Variants in CD300LG observed in about 807,000 individuals in gnomAD.
The protein encoded by CD300LG is CD300 molecule like family member g.
A neutral mutation model predicts 31.5 loss-of-function variants in CD300LG; 29 were observed. The ratio of observed to expected loss-of-function variants is 0.92; its 90% CI spans 0.68 to 1.25. The LOEUF is 1.25. CD300LG is among the 50% of genes most tolerant of loss of function. The pLI, the probability that CD300LG is intolerant of heterozygous loss-of-function variation, is 0.00. For missense variants in CD300LG, 396 were observed against 417.6 expected, an observed-to-expected ratio of 0.95 and a Z score of 0.45; for synonymous variants, 175 against 177.2, an observed-to-expected ratio of 0.99 and a Z score of 0.10.
At chr17:43,847,349 C>G (rs1297877350) in intron 1 of CD300LG, 90 bp downstream of exon 1, 1 of 1,449,054 alleles carries the variant, frequency 6.9e-7, no homozygotes, top group Non-Finnish European at 9.5e-7. Flanking sequence ...ATAGCCCCAC[C>G]CCACCTATCC....
rs917486448 is a variant in CD300LG at position 43,862,728 on chromosome 17, G to C, written c.*817G>C. Reference sequence around the variant, plus strand: ...TTGGTCAGGTCAGGTGCACATTGCAGGGATAAGCCCAGGACCGGCAGAGAG... The same window carrying C: ...TTGGTCAGGTCAGGTGCACATTGCACGGATAAGCCCAGGACCGGCAGAGAG... On this transcript the variant is annotated 3_prime_UTR_variant, in exon 7 of 7. Coordinates refer to ENST00000317310, the MANE Select transcript of CD300LG (RefSeq NM_145273.4). The C allele has an allele frequency of 6.6e-6, 1 of 152,130 alleles. No individual in the cohort carries two copies. Among genetic ancestry groups the C allele is most frequent in the Non-Finnish European group, 1.5e-5 (1 of 68,056 alleles). The allele number at this position is 152,130 out of a possible 1,614,324, so 9.4% of individuals were successfully genotyped here.
chr17:43,862,145 T>A lies in CD300LG; in HGVS notation c.*234T>A. On this transcript the variant is annotated 3_prime_UTR_variant, in exon 7 of 7. Coordinates refer to ENST00000317310, the MANE Select transcript of CD300LG (RefSeq NM_145273.4). ...TTCCGGCTGGAGACTGGGACATCCC[T>A]GATAGGTTCACATCCCTGGGCAGAG... 2.5e-6 allele frequency: 1 copy of A among 394,208 alleles called. No individual in the cohort carries two copies. Among genetic ancestry groups the A allele is most frequent in the Non-Finnish European group, 4.6e-6 (1 of 218,720 alleles). 24.4% of individuals were successfully genotyped at this position (394,208 alleles called of 1,614,324 possible).
At chr17:43,854,766 T>C (rs1473089877) in intron 4 of CD300LG, among the ~76,000 whole-genome samples, 1 of 152,108 alleles carries the variant, frequency 6.6e-6, no homozygotes, top group Non-Finnish European at 1.5e-5. Context: ...CAGTGTGAAA[T>C]TGATCCACTC....
Position 43,847,222 on chromosome 17 carries a change from G to A in CD300LG, c.6G>A (p.Arg2=), listed in dbSNP as rs1332758970. 1 of 1,613,928 alleles carries A rather than the reference G, an allele frequency of 6.2e-7. No homozygotes were observed. The highest frequency in any genetic ancestry group is 2.2e-5 in the East Asian group (1 of 44,884). Residue 2 remains arginine (R), a synonymous_variant, in exon 1 of 7, where the codon CGG becomes CGA. Transcript: ENST00000317310. M[R]LLVLLWGCLL... ...CACGGTGTCCAGCGCCCAGAATGCG[G>A]CTTCTGGTCCTGCTATGGGGTTGCC... is the stretch of plus-strand genomic sequence containing the variant.
At chr17:43,852,289 A>T (rs1296719682) in intron 2 of CD300LG, among the ~76,000 whole-genome samples, 1 of 151,190 alleles carries the variant, frequency 6.6e-6, no homozygotes, top group Admixed American at 6.6e-5. Flanking sequence ...CACTGCAATC[A>T]CCGCAACCTC....
intron 2 of CD300LG, 138 bp downstream of exon 2, chr17:43,849,031 AG>A: frequency 1.3e-6 from 1 of 781,854 alleles, no homozygotes; most frequent in South Asian, 1.8e-5. Flanking sequence ...GCACCGAGCA[AG>A]GCTTGGGGCA....
At chr17:43,861,150 G>A (rs367882006) in intron 6 of CD300LG, 52 of 985,214 alleles carry the variant, frequency 5.3e-5, no homozygotes, top group South Asian at 4.7e-4. Flanking sequence ...GGGAATGGCC[G>A]GGACCCAGAG....
intron 6 of CD300LG, among the ~76,000 whole-genome samples, chr17:43,859,774 C>T (rs1397640634): frequency 1.3e-5 from 2 of 152,200 alleles, no homozygotes; most frequent in Admixed American, 6.5e-5. Context: ...AATTGCCTTA[C>T]CCCTCCCAGT....
chr17:43,853,401 G>A (rs1318141261), intron 3 of CD300LG, among the ~76,000 whole-genome samples: 1 of 152,176 alleles, frequency 6.6e-6, no homozygotes, highest in Admixed American at 6.5e-5. Flanking sequence ...GGTTGGGGAG[G>A]GGGCACATGG....
At chr17:43,857,798 G>A (rs2046568583) in intron 6 of CD300LG, 1 of 1,537,144 alleles carries the variant, frequency 6.5e-7, no homozygotes, top group Admixed American at 2.0e-5. Flanking sequence ...AGAACTCCCT[G>A]ATGTTTTCTC....
At chr17:43,860,146 G>T (rs566050375) in intron 6 of CD300LG, among the ~76,000 whole-genome samples, 1 of 152,160 alleles carries the variant, frequency 6.6e-6, no homozygotes, top group African/African-American at 2.4e-5. Flanking sequence ...CATGGACACC[G>T]AGCCCAAGAG....
intron 1 of CD300LG, among the ~76,000 whole-genome samples, 188 bp from the exon 2 acceptor site, chr17:43,848,370 A>G (rs1286458979): frequency 6.6e-6 from 1 of 152,156 alleles, no homozygotes; most frequent in Non-Finnish European, 1.5e-5. Flanking sequence ...GGCCAGGGTT[A>G]GGGAAACAGC....
chr17:43,853,316 G>A (rs1420912169), intron 3 of CD300LG, among the ~76,000 whole-genome samples: 2 of 152,146 alleles, frequency 1.3e-5, no homozygotes, highest in African/African-American at 4.8e-5. Context: ...CCTGACCTCT[G>A]GACTCATCCT....
chr17:43,852,258 T>G (rs1309404655), intron 2 of CD300LG, among the ~76,000 whole-genome samples: 1 of 151,122 alleles, frequency 6.6e-6, no homozygotes, highest in Non-Finnish European at 1.5e-5. Flanking sequence ...CAGGCTGGAG[T>G]GCAGTGGCGC....
chr17:43,853,745 G>A, intron 3 of CD300LG, 62 bp from the exon 4 acceptor site: 1 of 1,394,136 alleles, frequency 7.2e-7, no homozygotes, highest in South Asian at 1.2e-5. Flanking sequence ...AGGGTCAGAA[G>A]TCAGGGATGC....
chr17:43,851,292 A>G (rs2046347098), intron 2 of CD300LG, among the ~76,000 whole-genome samples: 1 of 152,186 alleles, frequency 6.6e-6, no homozygotes, highest in African/African-American at 2.4e-5. Context: ...CAAAAATGCA[A>G]AATACTCCAA....
chr17:43,849,145 C>G (rs2046275967), intron 2 of CD300LG: 1 of 570,022 alleles, frequency 1.8e-6, no homozygotes, highest in Admixed American at 3.1e-5. Context: ...CTGTCCAGGG[C>G]TGGGCTCGGC....
intron 2 of CD300LG, among the ~76,000 whole-genome samples, chr17:43,851,915 C>T (rs1250540191): frequency 6.6e-6 from 1 of 151,938 alleles, no homozygotes; most frequent in African/African-American, 2.4e-5. Context: ...ACTGGAGGCA[C>T]GCACAGGGGA....
chr17:43,861,708 T>C (rs933337393), intron 6 of CD300LG, 90 bp from the exon 7 acceptor site: 29 of 771,668 alleles, frequency 3.8e-5, no homozygotes, highest in Non-Finnish European at 5.0e-5. Context: ...AAAGGCTGGG[T>C]GGACGCAGCA....
Sources: gnomAD v4.1 joint callset for allele counts (sites outside exome capture counted in the v4.1 genomes callset) on GRCh38, gnomAD v4.1.1 for gene constraint, MANE v1.5 for transcripts, NCBI Gene and HGNC (gene_info 2026-07-23, HGNC 2026-07-21) for gene names.